Variants in KCNH7 observed in about 807,000 individuals in gnomAD.
KCNH7 encodes potassium voltage-gated channel subfamily H member 7.
KCNH7 carries 49 observed loss-of-function variants against 120.8 expected under a neutral mutation model. The observed-to-expected ratio is 0.41, with a 90% CI of 0.32 to 0.51. The LOEUF is 0.51. KCNH7 is among the 20% of genes least tolerant of loss of function. The pLI, the probability that KCNH7 is intolerant of heterozygous loss-of-function variation, is 0.38. For synonymous variants in KCNH7, 547 were observed against 516.1 expected (o/e 1.06, Z -0.81); for missense variants, 1,097 against 1,446.6 (o/e 0.76, Z 3.92).
At chr2:162,470,108 C>A (rs1160870364) in intron 6 of KCNH7, among the ~76,000 whole-genome samples, 1 of 152,226 alleles carries the variant, frequency 6.6e-6, no homozygotes, top group African/African-American at 2.4e-5. Flanking sequence ...GCCGAGATTG[C>A]AGCCTCTACC....
chr2:162,674,937 AAG>A (rs1457744932), intron 2 of KCNH7, among the ~76,000 whole-genome samples: 1 of 151,594 alleles, frequency 6.6e-6, no homozygotes, highest in Non-Finnish European at 1.5e-5. Flanking sequence ...TTAATCATGA[AAG>A]AAAGTATTGA....
chr2:162,469,126 G>T (rs1052946720), intron 6 of KCNH7, among the ~76,000 whole-genome samples: 1 of 151,952 alleles, frequency 6.6e-6, no homozygotes, highest in Non-Finnish European at 1.5e-5. Flanking sequence ...ATAGGTGTGA[G>T]CAACTGTGCT....
chr2:162,821,328 T>C (rs1463927757), intron 2 of KCNH7, among the ~76,000 whole-genome samples: 2 of 152,218 alleles, frequency 1.3e-5, no homozygotes, highest in Non-Finnish European at 2.9e-5. Flanking sequence ...ACCTTCAACA[T>C]GGAATTTACA....
chr2:162,517,431 T>C (rs1016788303), intron 4 of KCNH7, among the ~76,000 whole-genome samples: 2 of 151,862 alleles, frequency 1.3e-5, no homozygotes. Context: ...TAGTGTTCAT[T>C]ACCTAAGCAC....
At chr2:162,762,520 C>A (rs965970299) in intron 2 of KCNH7, among the ~76,000 whole-genome samples, 3 of 151,950 alleles carry the variant, frequency 2.0e-5, no homozygotes, top group African/African-American at 7.2e-5. Flanking sequence ...ATAAAGACCA[C>A]CCTATGGCAC....
intron 2 of KCNH7, among the ~76,000 whole-genome samples, chr2:162,656,966 T>C (rs1478945873): frequency 6.6e-6 from 1 of 152,220 alleles, no homozygotes; most frequent in East Asian, 1.9e-4. Context: ...AAGGCAGCTT[T>C]AGCAGATTGC....
intron 2 of KCNH7, among the ~76,000 whole-genome samples, chr2:162,652,294 A>G (rs1360561058): frequency 6.6e-6 from 1 of 152,222 alleles, no homozygotes; most frequent in African/African-American, 2.4e-5. Flanking sequence ...AATGGGAATG[A>G]TAATAATACC....
intron 2 of KCNH7, among the ~76,000 whole-genome samples, chr2:162,591,045 T>C (rs562272152): frequency 4.9e-4 from 74 of 152,164 alleles, no homozygotes; most frequent in African/African-American, 1.7e-3. Flanking sequence ...CTTGGGGATT[T>C]GCTGGTTCTT....
intron 2 of KCNH7, among the ~76,000 whole-genome samples, chr2:162,741,672 T>C (rs1480771883): frequency 6.6e-6 from 1 of 152,134 alleles, no homozygotes; most frequent in Admixed American, 6.5e-5. Flanking sequence ...TTTTAAGAAA[T>C]ATGAATAACT....
At chr2:162,571,905 T>C (rs1693492428) in intron 2 of KCNH7, among the ~76,000 whole-genome samples, 2 of 151,952 alleles carry the variant, frequency 1.3e-5, no homozygotes, top group East Asian at 1.9e-4. Flanking sequence ...TCAAGATAGA[T>C]TAAAGACTTA....
At chr2:162,662,087 C>A (rs938127100) in intron 2 of KCNH7, among the ~76,000 whole-genome samples, 1 of 151,940 alleles carries the variant, frequency 6.6e-6, no homozygotes, top group Non-Finnish European at 1.5e-5. Flanking sequence ...GATGGTGAAA[C>A]CCCGTCTCTA....
At chr2:162,463,573 A>G (rs1689217485) in intron 6 of KCNH7, among the ~76,000 whole-genome samples, 1 of 151,970 alleles carries the variant, frequency 6.6e-6, no homozygotes, top group African/African-American at 2.4e-5. Flanking sequence ...TAAAAAGTCA[A>G]TATATTATTT....
At chr2:162,748,707 CT>C (rs1230874063) in intron 2 of KCNH7, among the ~76,000 whole-genome samples, 10 of 152,162 alleles carry the variant, frequency 6.6e-5, no homozygotes, top group African/African-American at 2.4e-4. Context: ...TCTGTGATAA[CT>C]TTCCAATGAC....
Position 162,515,650 on chromosome 2 carries a change from G to A in KCNH7, c.892+2080C>T, listed in dbSNP as rs80340572. Among the ~76,000 whole-genome samples the A allele has an allele frequency of 3.5e-3, 527 of 151,850 alleles. 17 individuals carry two copies. In the East Asian group the frequency reaches 0.091, roughly 26 times the overall value. Reference sequence around the variant, plus strand: ...TTACCATATTGAATTTATTGTTGCTGTTTAGCCACAGGACTCACTGATCAA... The same window carrying A: ...TTACCATATTGAATTTATTGTTGCTATTTAGCCACAGGACTCACTGATCAA... On this transcript the variant is annotated intron_variant, in intron 4 of 15. Coordinates refer to ENST00000332142, the MANE Select transcript of KCNH7 (RefSeq NM_033272.4).
intron 2 of KCNH7, among the ~76,000 whole-genome samples, chr2:162,738,067 C>CAA (rs58433565): frequency 3.2e-4 from 18 of 56,008 alleles, no homozygotes; most frequent in Non-Finnish European, 4.8e-4. Flanking sequence ...GACTTCATAT[C>CAA]AAAAAAAAAA....
At chr2:162,723,055 G>A (rs1687384676) in intron 2 of KCNH7, among the ~76,000 whole-genome samples, 2 of 150,318 alleles carry the variant, frequency 1.3e-5, no homozygotes, top group African/African-American at 4.9e-5. Context: ...CATCTTTATG[G>A]AAGATATTTT....
chr2:162,393,651 G>C (rs898245803), intron 12 of KCNH7, among the ~76,000 whole-genome samples: 1 of 151,914 alleles, frequency 6.6e-6, no homozygotes, highest in African/African-American at 2.4e-5. Context: ...ATAAGGTAAA[G>C]ACTAGAATGT....
chr2:162,542,695 G>A (rs1346374957), intron 2 of KCNH7, among the ~76,000 whole-genome samples: 5 of 151,772 alleles, frequency 3.3e-5, no homozygotes, highest in African/African-American at 9.7e-5. Context: ...ATTGTGAATA[G>A]TGCCGCAATA....
chr2:162,439,085 A>G (rs1432839493), intron 7 of KCNH7, among the ~76,000 whole-genome samples: 1 of 152,128 alleles, frequency 6.6e-6, no homozygotes, highest in Non-Finnish European at 1.5e-5. Context: ...TTCAGAATGC[A>G]TAATTATCTC....
Sources: allele counts gnomAD v4.1 joint callset (sites outside exome capture counted in the v4.1 genomes callset), GRCh38; gene constraint gnomAD v4.1.1; transcripts MANE v1.5; gene names NCBI Gene and HGNC (gene_info 2026-07-23, HGNC 2026-07-21).